PTPRD: variants seen among roughly 807,000 people sequenced by gnomAD.
PTPRD encodes the protein receptor-type tyrosine-protein phosphatase delta.
In PTPRD, 34 loss-of-function variants were observed where a neutral mutation model predicts 214.5. The ratio of observed to expected loss-of-function variants is 0.16; its 90% CI spans 0.12 to 0.21. PTPRD has a LOEUF of 0.21. Among genes scored for constraint, PTPRD ranks in the 10% least tolerant of loss-of-function variants. The pLI, the probability that PTPRD is intolerant of heterozygous loss-of-function variation, is 1.00. For missense variants in PTPRD, 2,545 were observed against 2,398.7 expected (o/e 1.06, Z -1.27); for synonymous variants, 1,128 against 845.7 (o/e 1.33, Z -5.79).
intron 14 of PTPRD, among the ~76,000 whole-genome samples, chr9:8,599,766 C>T (rs577578924): frequency 8.3e-4 from 126 of 151,826 alleles, no homozygotes; most frequent in South Asian, 2.1e-3. Flanking sequence ...TACAGGCGTG[C>T]GCCACCACGC....
intron 9 of PTPRD, among the ~76,000 whole-genome samples, chr9:9,386,686 A>C (rs1041405623): frequency 1.3e-5 from 2 of 152,166 alleles, no homozygotes; most frequent in African/African-American, 4.8e-5. Context: ...AAACCTTCAC[A>C]TGTACATAAA....
At chr9:9,883,789 T>C (rs993176282) in intron 5 of PTPRD, among the ~76,000 whole-genome samples, 1 of 152,156 alleles carries the variant, frequency 6.6e-6, no homozygotes, top group Non-Finnish European at 1.5e-5. Flanking sequence ...CTTGGTTTTC[T>C]CATTTTCCAG....
chr9:9,979,639 T>C (rs2095473257), intron 4 of PTPRD, among the ~76,000 whole-genome samples: 1 of 152,136 alleles, frequency 6.6e-6, no homozygotes, highest in Non-Finnish European at 1.5e-5. Context: ...TTACCTGAAA[T>C]ATTATGAAGA....
Position 9,648,254 on chromosome 9 carries a change from C to CA in PTPRD, c.-286-73474dup, listed in dbSNP as rs914372437. On this transcript the variant is annotated intron_variant, in intron 7 of 45. Transcript: ENST00000381196. ...AAACACTAAAGTGTATATTTAGAGC[C>CA]AAAAAAACATTTAGAGAGCACCTAG... is the stretch of plus-strand genomic sequence containing the variant. Among the ~76,000 whole-genome samples, 9 of 151,480 alleles carry CA rather than the reference C, an allele frequency of 5.9e-5. 1 individual carries two copies. The South Asian group carries it at 1.3e-3, about 21-fold the overall frequency.
intron 4 of PTPRD, among the ~76,000 whole-genome samples, chr9:9,975,176 G>A (rs547686198): frequency 6.6e-6 from 1 of 152,232 alleles, no homozygotes; most frequent in African/African-American, 2.4e-5. Context: ...AGTAGACACA[G>A]TAAGACTGTG....
intron 35 of PTPRD, among the ~76,000 whole-genome samples, chr9:8,410,824 T>C (rs957955426): frequency 6.6e-6 from 1 of 152,170 alleles, no homozygotes; most frequent in African/African-American, 2.4e-5. Context: ...AGAAAATTAC[T>C]TAAAGTAATA....
intron 7 of PTPRD, among the ~76,000 whole-genome samples, chr9:9,599,815 C>T (rs1028629706): frequency 1.4e-4 from 22 of 151,762 alleles, no homozygotes; most frequent in Non-Finnish European, 2.8e-4. Context: ...ACAATATAAA[C>T]AAATGCTATT....
At chr9:9,245,653 A>T (rs990491273) in intron 9 of PTPRD, among the ~76,000 whole-genome samples, 9 of 152,116 alleles carry the variant, frequency 5.9e-5, no homozygotes, top group Non-Finnish European at 1.3e-4. Flanking sequence ...TAGCATTAGG[A>T]GATATACTTA....
chr9:9,377,510 CTG>C (rs1193012893), intron 9 of PTPRD, among the ~76,000 whole-genome samples: 1 of 152,116 alleles, frequency 6.6e-6, no homozygotes, highest in Non-Finnish European at 1.5e-5. Context: ...ATATACAACT[CTG>C]TAAGTTTGGC....
chr9:9,765,794 G>A (rs565463314), intron 6 of PTPRD, among the ~76,000 whole-genome samples: 26 of 151,996 alleles, frequency 1.7e-4, no homozygotes, highest in African/African-American at 5.6e-4. Context: ...CTGAGTAGCT[G>A]GGACTACAGG....
chr9:9,772,130 A>C (rs537139020), intron 5 of PTPRD, among the ~76,000 whole-genome samples: 1 of 152,234 alleles, frequency 6.6e-6, no homozygotes, highest in Admixed American at 6.5e-5. Context: ...CATTAGTTTG[A>C]GCCCTAATCC....
chr9:10,341,894 G>A (rs533718461), intron 2 of PTPRD, among the ~76,000 whole-genome samples: 3 of 151,490 alleles, frequency 2.0e-5, no homozygotes, highest in South Asian at 4.2e-4. Flanking sequence ...TCAGCATAGA[G>A]TGTTAAGCAA....
chr9:10,340,785 T>A (rs563013878), intron 3 of PTPRD, among the ~76,000 whole-genome samples, 178 bp downstream of exon 3: 1 of 152,038 alleles, frequency 6.6e-6, no homozygotes, highest in African/African-American at 2.4e-5. Flanking sequence ...CTCCAAAGTG[T>A]ATAGCAAGAC....
intron 2 of PTPRD, among the ~76,000 whole-genome samples, chr9:10,473,181 T>TGTGA (rs111251065): frequency 0.88 from 133,357 of 151,724 alleles, 58,757 homozygotes; most frequent in East Asian, 1. Context: ...TTCAAACAGC[T>TGTGA]GTAATTTTGT....
At chr9:8,699,576 A>G (rs2098023477) in intron 12 of PTPRD, among the ~76,000 whole-genome samples, 1 of 152,162 alleles carries the variant, frequency 6.6e-6, no homozygotes, top group South Asian at 2.1e-4. Flanking sequence ...GTTGAAATTA[A>G]AACCAAGTGT....
intron 14 of PTPRD, among the ~76,000 whole-genome samples, chr9:8,578,841 G>A (rs1308318097): frequency 6.6e-6 from 1 of 152,172 alleles, no homozygotes; most frequent in Non-Finnish European, 1.5e-5. Flanking sequence ...AAGTACAGGA[G>A]TTAAACTTCA....
chr9:10,356,800 C>T (rs1297907151), intron 2 of PTPRD, among the ~76,000 whole-genome samples: 1 of 152,030 alleles, frequency 6.6e-6, no homozygotes, highest in Non-Finnish European at 1.5e-5. Flanking sequence ...CTGCCTCAGC[C>T]TTCTGAGTAG....
intron 7 of PTPRD, among the ~76,000 whole-genome samples, chr9:9,620,710 C>A (rs2095190520): frequency 6.6e-6 from 1 of 151,672 alleles, no homozygotes; most frequent in South Asian, 2.1e-4. Flanking sequence ...GTTCTGGCTT[C>A]AGAAAAAAAA....
intron 12 of PTPRD, among the ~76,000 whole-genome samples, chr9:8,680,861 C>G (rs554188719): frequency 3.9e-5 from 6 of 152,266 alleles, no homozygotes; most frequent in Admixed American, 3.3e-4. Flanking sequence ...ACAAATCCAA[C>G]ATGTAGTCGA....
Sources: gnomAD v4.1 joint callset for allele counts (sites outside exome capture counted in the v4.1 genomes callset) on GRCh38, gnomAD v4.1.1 for gene constraint, MANE v1.5 for transcripts, NCBI Gene and HGNC (gene_info 2026-07-23, HGNC 2026-07-21) for gene names.